ZNF738: variants seen among roughly 807,000 people sequenced by gnomAD.
ZNF738 encodes the protein protein ZNF738.
ZNF738 carries 10 observed loss-of-function variants against 9.2 expected under a neutral mutation model. The ratio of observed to expected loss-of-function variants is 1.09; its 90% confidence interval spans 0.67 to 1.85. The LOEUF is 1.85. Ranked by LOEUF, ZNF738 falls within the 40% of genes most tolerant of loss-of-function variation. The probability of loss-of-function intolerance (pLI) is 0.00; values close to 1 mark genes in which losing one functional copy is unlikely to be tolerated. For missense variants in ZNF738, 346 were observed against 283.6 expected, an observed-to-expected ratio of 1.22 and a Z score of -1.58; for synonymous variants, 113 against 94.5, an observed-to-expected ratio of 1.20 and a Z score of -1.14.
chr19:21,369,077 A>G (rs1264088323), intron 2 of ZNF738, among the ~76,000 whole-genome samples: 1 of 151,892 alleles, frequency 6.6e-6, no homozygotes, highest in African/African-American at 2.4e-5. Flanking sequence ...CTTGATTTTT[A>G]TGTACCATAT....
In ZNF738 at chr19:21,387,768, T is replaced by C. The variant is rs541660013; in HGVS notation, c.*4094T>C. On this transcript the variant is annotated 3_prime_UTR_variant, in exon 5 of 5. Coordinates refer to ENST00000683779, the MANE Select transcript of ZNF738 (RefSeq NM_001355237.2). ...AGAGAATTTATATTGAAGATGGACA[T>C]TACAAACATAAAGAGGGTTGTAGTA... Among the ~76,000 whole-genome samples the C allele has an allele frequency of 1.3e-5, 2 of 152,314 alleles. No individual in the cohort carries two copies. The highest frequency in any genetic ancestry group is 4.8e-5 in the African/African-American group (2 of 41,580).
Position 21,386,029 on chromosome 19 carries a change from T to A in ZNF738, c.*2355T>A, listed in dbSNP as rs542588707. Among the ~76,000 whole-genome samples, 2 of 151,996 alleles carry A rather than the reference T, an allele frequency of 1.3e-5. No individual in the cohort carries two copies. Among genetic ancestry groups the A allele is most frequent in the Non-Finnish European group, 2.9e-5 (2 of 68,006 alleles). ...AGAAACCCTACAAATATGAAGAATA[T>A]CTCAAAACTTTTTATAGATTCTCAT... On this transcript the variant is annotated 3_prime_UTR_variant, in exon 5 of 5. Coordinates refer to ENST00000683779, the MANE Select transcript of ZNF738 (RefSeq NM_001355237.2).
chr19:21,375,975 G>A lies in ZNF738; in HGVS notation c.319+11G>A, dbSNP rs537653692. 7 of 743,804 alleles carry A rather than the reference G, an allele frequency of 9.4e-6. No individual in the cohort carries two copies. Among genetic ancestry groups the A allele is most frequent in the African/African-American group, 1.8e-5 (1 of 56,520 alleles). The allele number at this position is 743,804 out of a possible 1,614,324, so 46.1% of individuals were successfully genotyped here. On this transcript the variant is annotated intron_variant, in intron 4 of 4. Transcript: ENST00000683779. ...TAGCCACACCCCCAGGTAGGTGAGA[G>A]TGAATAAAACAGTTGACATAGATGA...
At position 21,383,508 on chromosome 19, in the gene ZNF738, G is replaced by A. The variant is rs1974032085; in HGVS notation, c.962G>A (p.Cys321Tyr). ...GAGAAACCCTACAAATGTGAAGGAT[G>A]TGGCAAAGCTTTCTGCCAATTCTCA... Reference protein sequence around the residue: ...AGEKPYKCEGCGKAFCQFSYL... With the variant: ...AGEKPYKCEGYGKAFCQFSYL... Residue 321 changes from cysteine to tyrosine, a missense_variant, in exon 5 of 5, where the codon TGT (cysteine) becomes TAT (tyrosine). Physicochemically the swap from Cys to Tyr is radical, Grantham distance 194. Coordinates refer to ENST00000683779, the MANE Select transcript of ZNF738 (RefSeq NM_001355237.2). The A allele has an allele frequency of 1.5e-5, 13 of 875,468 alleles. No homozygotes were observed. In the South Asian group the frequency reaches 1.6e-4, roughly 11 times the overall value. The allele number at this position is 875,468 out of a possible 1,614,324, so 54.2% of individuals were successfully genotyped here.
chr19:21,377,480 T>G (rs1274647175), intron 4 of ZNF738: 7 of 702,006 alleles, frequency 1.0e-5, no homozygotes, highest in Non-Finnish European at 1.0e-5. Flanking sequence ...ATTTGGAACC[T>G]TAGTGTGACA....
intron 2 of ZNF738, 74 bp from the exon 3 acceptor site, chr19:21,375,164 A>G: frequency 2.5e-6 from 2 of 800,922 alleles, no homozygotes. Flanking sequence ...TTACTCTCTC[A>G]TTTAACCTTA....
chr19:21,369,609 A>T (rs1973830171), intron 2 of ZNF738, among the ~76,000 whole-genome samples: 1 of 152,164 alleles, frequency 6.6e-6, no homozygotes, highest in African/African-American at 2.4e-5. Flanking sequence ...CTAGCTAGTT[A>T]TTCCAGCACC....
intron 2 of ZNF738, among the ~76,000 whole-genome samples, chr19:21,374,509 T>C (rs2650842): frequency 0.95 from 144,883 of 152,284 alleles, 69,184 homozygotes; most frequent in Middle Eastern, 1. Flanking sequence ...CAAGAGCTCT[T>C]GGAAATATTC....
intron 4 of ZNF738, chr19:21,378,512 A>T (rs1011768981): frequency 4.3e-6 from 1 of 232,620 alleles, no homozygotes; most frequent in Non-Finnish European, 9.7e-6. Context: ...TTTTCTTCAG[A>T]TTTCACTATA....
chr19:21,377,371 GTTTTA>G (rs1973942670), intron 4 of ZNF738: 2 of 687,470 alleles, frequency 2.9e-6, no homozygotes, highest in East Asian at 2.7e-5. Context: ...ATTCTGTCTT[GTTTTA>G]TTTTTATTAC....
At chr19:21,376,005 T>A (rs767492339) in intron 4 of ZNF738, 41 bp downstream of exon 4, 1 of 695,930 alleles carries the variant, frequency 1.4e-6, no homozygotes, top group Non-Finnish European at 2.6e-6. Flanking sequence ...AGATGAAAGG[T>A]TGGAAGATTA....
intron 2 of ZNF738, among the ~76,000 whole-genome samples, chr19:21,363,987 A>G (rs1379474384): frequency 6.6e-6 from 1 of 151,912 alleles, no homozygotes; most frequent in Non-Finnish European, 1.5e-5. Context: ...ACCTGATGTC[A>G]GGAGTTCGAG....
In ZNF738 at chr19:21,382,068, T is replaced by TTTC. The variant is rs1284011257; in HGVS notation, c.320-796_320-795insCTT. ...TTTACTTCTTTTTTTCTTTCTTTCTTTTTTTTTTTTTTTTTGAGATGTAGT... is the reference window on the plus strand; with the variant it reads ...TTTACTTCTTTTTTTCTTTCTTTCTTTTCTTTTTTTTTTTTTTTGAGATGTAGT... On this transcript the variant is annotated intron_variant, in intron 4 of 4. Transcript: ENST00000683779. 7.3e-3 allele frequency: 1,047 copies of TTTC among 144,176 alleles called. 19 individuals carry two copies. The highest frequency in any genetic ancestry group is 0.012 in the Non-Finnish European group (822 of 67,708). 8.9% of individuals were successfully genotyped at this position (144,176 alleles called of 1,614,324 possible).
intron 2 of ZNF738, among the ~76,000 whole-genome samples, chr19:21,374,122 G>T (rs1266331011): frequency 6.6e-6 from 1 of 152,136 alleles, no homozygotes; most frequent in South Asian, 2.1e-4. Context: ...TTGGGGGAAC[G>T]TCCTTAGTAA....
rs1447393484 is a variant in ZNF738, at chr19:21,387,872, A to G, written c.*4198A>G. ...GAAGCAGTTGCTCAAGCTTTGTTCA[A>G]CATTAGGGCACTTATATTGGAAAAG... On this transcript the variant is annotated 3_prime_UTR_variant, in exon 5 of 5. Coordinates refer to ENST00000683779, the MANE Select transcript of ZNF738 (RefSeq NM_001355237.2). Among the ~76,000 whole-genome samples, 1 of 152,242 alleles carries G rather than the reference A, an allele frequency of 6.6e-6. No homozygotes were observed. Among genetic ancestry groups the G allele is most frequent in the Non-Finnish European group, 1.5e-5 (1 of 68,036 alleles).
At position 21,383,335 on chromosome 19, in the gene ZNF738, A is replaced by C. The variant is rs1974028466; in HGVS notation, c.789A>C (p.Glu263Asp). The change falls in exon 5 of 5, where the codon GAA becomes GAC. Residue 263 changes from glutamate (E) to aspartate (D), a missense_variant. Transcript: ENST00000683779. The part of the protein sequence containing the change: ...IHTGDKSYKH[E>D]ECGKGFNHST... ...CTGGAGACAAATCCTACAAACATGAAGAATGTGGAAAAGGTTTTAACCACT... is the reference window on the plus strand; with the variant it reads ...CTGGAGACAAATCCTACAAACATGACGAATGTGGAAAAGGTTTTAACCACT... 1 of 1,375,306 alleles carries C rather than the reference A, an allele frequency of 7.3e-7. No homozygotes were observed. The highest frequency in any genetic ancestry group is 1.9e-5 in the Admixed American group (1 of 52,942). 85.2% of individuals were successfully genotyped at this position (1,375,306 alleles called of 1,614,324 possible).
intron 2 of ZNF738, among the ~76,000 whole-genome samples, chr19:21,366,099 A>G (rs1272824837): frequency 6.6e-6 from 1 of 151,974 alleles, no homozygotes; most frequent in Non-Finnish European, 1.5e-5. Flanking sequence ...TCAGCTCTCA[A>G]GTTTCCCCTT....
intron 4 of ZNF738, among the ~76,000 whole-genome samples, chr19:21,377,015 A>G (rs1973936230): frequency 1.3e-5 from 2 of 151,710 alleles, no homozygotes; most frequent in African/African-American, 4.8e-5. Context: ...TCTGTTAAAA[A>G]TAATTGTACA....
chr19:21,379,791 A>G (rs1226281258), intron 4 of ZNF738, among the ~76,000 whole-genome samples: 1 of 152,174 alleles, frequency 6.6e-6, no homozygotes, highest in Non-Finnish European at 1.5e-5. Flanking sequence ...ATCAACAATT[A>G]TATTATTGAT....
Sources: gnomAD v4.1 joint callset for allele counts (sites outside exome capture counted in the v4.1 genomes callset) on GRCh38, gnomAD v4.1.1 for gene constraint, MANE v1.5 for transcripts, NCBI Gene and HGNC (gene_info 2026-07-23, HGNC 2026-07-21) for gene names.